The following TFB1M variants were observed in gnomAD, a reference collection of about 807,000 sequenced individuals.
TFB1M encodes transcription factor B1, mitochondrial, also known as dimethyladenosine transferase 1, mitochondrial.
In TFB1M, 27 loss-of-function variants were observed where a neutral mutation model predicts 31.1. The observed-to-expected ratio is 0.87, with a 90% CI of 0.64 to 1.20. The LOEUF (loss-of-function observed/expected upper bound fraction) is 1.20. Ranked by LOEUF, TFB1M falls within the 50% of genes most tolerant of loss-of-function variation. TFB1M has a pLI of 0.00. For synonymous variants in TFB1M, 166 were observed against 151.8 expected, an observed-to-expected ratio of 1.09 and a Z score of -0.69; for missense variants, 394 against 418.7, an observed-to-expected ratio of 0.94 and a Z score of 0.51.
the TFB1M span, chr6:155,240,634 C>G: frequency 6.2e-7 from 1 of 1,614,080 alleles, no homozygotes; most frequent in Non-Finnish European, 8.5e-7. Flanking sequence ...GGTCTCTGGC[C>G]CGCCACCTGT....
At chr6:155,275,542 C>T in intron 5 of TFB1M, 1 of 635,934 alleles carries the variant, frequency 1.6e-6, no homozygotes, top group Non-Finnish European at 2.8e-6. Context: ...GTGTTCTTGG[C>T]TCCTACTCTA....
intron 5 of TFB1M, among the ~76,000 whole-genome samples, chr6:155,268,024 T>G (rs1784741640): frequency 6.6e-6 from 1 of 152,142 alleles, no homozygotes; most frequent in Non-Finnish European, 1.5e-5. Context: ...GACAGGAAAT[T>G]TTGGGTTCTT....
At chr6:155,239,928 C>A in the TFB1M span, among the ~76,000 whole-genome samples, 1 of 151,278 alleles carries the variant, frequency 6.6e-6, no homozygotes, top group African/African-American at 2.4e-5. Flanking sequence ...TGCTTCTACT[C>A]CATTACTAGC....
At chr6:155,230,648 A>G in the TFB1M span, among the ~76,000 whole-genome samples, 4 of 152,166 alleles carry the variant, frequency 2.6e-5, no homozygotes, top group Admixed American at 1.3e-4. Flanking sequence ...AAAAATTGTA[A>G]AAATTCAACC....
At chr6:155,240,795 CCCAG>C in the TFB1M span, 4 of 1,376,714 alleles carry the variant, frequency 2.9e-6, no homozygotes, top group East Asian at 4.9e-5. Flanking sequence ...ATCACCTCTG[CCCAG>C]GACACCTGCC....
At chr6:155,294,584 C>T (rs962427383) in intron 4 of TFB1M, among the ~76,000 whole-genome samples, 1 of 152,116 alleles carries the variant, frequency 6.6e-6, no homozygotes, top group African/African-American at 2.4e-5. Context: ...TGCTACAAAC[C>T]AGCAAGGACA....
chr6:155,295,383 A>C (rs1397348819), intron 4 of TFB1M, among the ~76,000 whole-genome samples: 1 of 152,008 alleles, frequency 6.6e-6, no homozygotes. Flanking sequence ...AAAAGGACAA[A>C]ACTAAAGTGT....
chr6:155,247,130 G>C, the TFB1M span, among the ~76,000 whole-genome samples: 1 of 152,258 alleles, frequency 6.6e-6, no homozygotes, highest in Non-Finnish European at 1.5e-5. Flanking sequence ...TGGAGTGAAG[G>C]CTGTAGGCTG....
the TFB1M span, chr6:155,244,643 C>T: frequency 6.2e-7 from 1 of 1,612,844 alleles, no homozygotes; most frequent in South Asian, 1.1e-5. Context: ...ATTTCAAATC[C>T]TGATCTTCAC....
chr6:155,232,613 G>A, the TFB1M span: 1 of 152,252 alleles, frequency 6.6e-6, no homozygotes, highest in East Asian at 1.9e-4. Flanking sequence ...CTGAGGACAT[G>A]AGACTTGGAT....
chr6:155,248,625 G>A, the TFB1M span, among the ~76,000 whole-genome samples: 1 of 151,968 alleles, frequency 6.6e-6, no homozygotes, highest in Non-Finnish European at 1.5e-5. Flanking sequence ...TCTGAGCAGA[G>A]CTCGGCTTCA....
chr6:155,239,805 T>C, the TFB1M span, among the ~76,000 whole-genome samples: 2 of 152,214 alleles, frequency 1.3e-5, no homozygotes, highest in African/African-American at 4.8e-5. Flanking sequence ...CCTCTGGGGC[T>C]GGTTGATCCC....
chr6:155,260,272 C>A lies in TFB1M; in HGVS notation c.794+1G>T, dbSNP rs758053869. The A allele has an allele frequency of 1.2e-6, 2 of 1,614,212 alleles. No homozygotes were observed. The highest frequency in any genetic ancestry group is 1.7e-6 in the Non-Finnish European group (2 of 1,180,034). ...CTGAAGAGAAGAAAAGGCATTCTTA[C>A]CTGAGCCCTCGATGGCAGTATTTCC... is the stretch of plus-strand genomic sequence containing the variant. On this transcript the variant is annotated splice_donor_variant, in intron 6 of 6. Coordinates refer to ENST00000367166, the MANE Select transcript of TFB1M (RefSeq NM_016020.4). LOFTEE classifies it high-confidence loss of function.
At chr6:155,240,918 CTTGGCTTA>C in the TFB1M span, among the ~76,000 whole-genome samples, 1 of 152,174 alleles carries the variant, frequency 6.6e-6, no homozygotes, top group Admixed American at 6.5e-5. Context: ...AAATTAGATC[CTTGGCTTA>C]TTTTGTTACC....
intron 2 of TFB1M, among the ~76,000 whole-genome samples, chr6:155,309,802 TC>T (rs1331598566): frequency 8.5e-5 from 13 of 152,146 alleles, no homozygotes; most frequent in African/African-American, 3.1e-4. Flanking sequence ...TATTCCCACG[TC>T]CACCTCCAAC....
Position 155,285,182 on chromosome 6 carries a change from T to A in TFB1M, c.642A>T (p.Gly214=). The change falls in exon 5 of 7, where the codon GGA becomes GGT. Residue 214 remains glycine, a synonymous_variant. Coordinates refer to ENST00000367166, the MANE Select transcript of TFB1M (RefSeq NM_016020.4). ...CCTCTGGTTTGGGGACAAAAGCTTG[T>A]CCTGGAATCGTAAAGATGTGTCGAA... ...CNVRHIFTIP[G]QAFVPKPEVD... 6.2e-7 allele frequency: 1 copy of A among 1,614,026 alleles called. No homozygotes were observed.
intron 3 of TFB1M, among the ~76,000 whole-genome samples, chr6:155,297,529 G>C (rs573183553): frequency 6.6e-6 from 1 of 152,254 alleles, no homozygotes; most frequent in Non-Finnish European, 1.5e-5. Flanking sequence ...GGTGGTAAGT[G>C]AAACCATAGG....
intron 1 of TFB1M, chr6:155,313,218 GC>G (rs1490209355): frequency 1.3e-5 from 2 of 150,436 alleles, no homozygotes; most frequent in Non-Finnish European, 2.9e-5. Context: ...TTGCACTCCA[GC>G]TTGGGCAACA....
chr6:155,284,239 G>C (rs1776520738), intron 5 of TFB1M, among the ~76,000 whole-genome samples: 1 of 152,058 alleles, frequency 6.6e-6, no homozygotes, highest in Non-Finnish European at 1.5e-5. Flanking sequence ...TATTGGTTAG[G>C]GTCTCCATTC....
Sources: allele counts gnomAD v4.1 joint callset (sites outside exome capture counted in the v4.1 genomes callset), GRCh38; gene constraint gnomAD v4.1.1; transcripts MANE v1.5; gene names NCBI Gene and HGNC (gene_info 2026-07-23, HGNC 2026-07-21).